The following ZNF883 variants were observed in gnomAD, a reference collection of about 807,000 sequenced individuals.
The protein encoded by ZNF883 is zinc finger protein 883.
At chr9:112,996,641 A>C (rs965440257), downstream of ZNF883, among the ~76,000 whole-genome samples, 1 of 150,198 alleles carries the variant, frequency 6.7e-6, no homozygotes, top group Non-Finnish European at 1.5e-5. Flanking sequence ...AATACAAAAA[A>C]TTAGCCGGGC....
intron 2 of ZNF883, among the ~76,000 whole-genome samples, chr9:113,010,858 C>T (rs942841117): frequency 3.3e-5 from 5 of 151,616 alleles, no homozygotes; most frequent in East Asian, 1.9e-4. Flanking sequence ...TGGTGGTGCA[C>T]GCCTGTAATT....
upstream of ZNF883, among the ~76,000 whole-genome samples, chr9:113,000,139 C>G (rs1587895522): frequency 1.3e-5 from 2 of 152,182 alleles, no homozygotes; most frequent in African/African-American, 4.8e-5. Context: ...TGTATGATAT[C>G]ACAATAGTTG....
chr9:112,996,537 A>C (rs535455152), downstream of ZNF883, among the ~76,000 whole-genome samples: 31 of 151,996 alleles, frequency 2.0e-4, no homozygotes, highest in Non-Finnish European at 4.0e-4. Context: ...CACGCCTGTA[A>C]TCCCAGCACT....
downstream of ZNF883, among the ~76,000 whole-genome samples, chr9:112,994,529 A>T (rs1381858139): frequency 1.3e-5 from 2 of 152,002 alleles, no homozygotes; most frequent in Non-Finnish European, 2.9e-5. Context: ...GATTCAATTA[A>T]ATTTACAAAT....
rs372343232 is a variant in ZNF883, at chr9:112,997,810, C to A, written n.450G>T. The stretch of plus-strand genomic sequence containing the variant: ...CACATTCAGTACATTCATATGGTTT[C>A]TTTCCAGTATGAATTCTATGATGTT... On this transcript the variant is annotated non_coding_transcript_exon_variant, in exon 1 of 1. Transcript: ENST00000639662. 2.0e-5 allele frequency: 33 copies of A among 1,612,900 alleles called. No homozygotes were observed. In the African/African-American group the frequency reaches 2.1e-4, roughly 10 times the overall value.
downstream of ZNF883, among the ~76,000 whole-genome samples, chr9:112,993,624 C>T (rs1828322629): frequency 6.6e-6 from 1 of 152,190 alleles, no homozygotes; most frequent in South Asian, 2.1e-4. Context: ...TCCAGACTGC[C>T]CGGATTCCTC....
chr9:112,990,385 T>C (rs1015963378), intron 1 of ZNF883, among the ~76,000 whole-genome samples: 1 of 152,240 alleles, frequency 6.6e-6, no homozygotes, highest in Non-Finnish European at 1.5e-5. Flanking sequence ...GTGGTTTTTG[T>C]CTTTAGTTCT....
chr9:112,995,658 C>A (rs1828345582), downstream of ZNF883, among the ~76,000 whole-genome samples: 1 of 152,150 alleles, frequency 6.6e-6, no homozygotes, highest in South Asian at 2.1e-4. Context: ...TAAAAAAAGT[C>A]ACCAATGTAT....
chr9:112,996,683 C>T (rs891060210), downstream of ZNF883, among the ~76,000 whole-genome samples: 12 of 146,734 alleles, frequency 8.2e-5, no homozygotes, highest in South Asian at 8.7e-4. Flanking sequence ...CCCAGCTACT[C>T]GGGAGGCTGA....
intron 1 of ZNF883, among the ~76,000 whole-genome samples, chr9:112,989,551 G>A (rs1049511632): frequency 6.6e-6 from 1 of 152,178 alleles, no homozygotes; most frequent in Non-Finnish European, 1.5e-5. Flanking sequence ...GAGTTGGGTA[G>A]TGTGATGCCT....
downstream of ZNF883, among the ~76,000 whole-genome samples, chr9:112,994,408 C>T (rs905739665): frequency 3.9e-5 from 6 of 151,924 alleles, no homozygotes; most frequent in African/African-American, 1.2e-4. Flanking sequence ...GTCACCAGTG[C>T]AGGATTCACT....
chr9:113,008,552 G>T (rs533999321), intron 2 of ZNF883, among the ~76,000 whole-genome samples: 2 of 152,246 alleles, frequency 1.3e-5, no homozygotes, highest in East Asian at 3.9e-4. Flanking sequence ...TTCTCTCACA[G>T]TAAATTAAGT....
chr9:112,993,259 G>T (rs1016105663), downstream of ZNF883, among the ~76,000 whole-genome samples: 3 of 152,146 alleles, frequency 2.0e-5, no homozygotes, highest in Non-Finnish European at 4.4e-5. Context: ...TATGTTTTTT[G>T]TGGGACTTTT....
upstream of ZNF883, among the ~76,000 whole-genome samples, chr9:113,002,977 C>A (rs1453737447): frequency 6.6e-6 from 1 of 152,194 alleles, no homozygotes; most frequent in African/African-American, 2.4e-5. Context: ...CTGTTGGCAC[C>A]ATGATCTTGA....
intron 2 of ZNF883, among the ~76,000 whole-genome samples, chr9:113,009,522 T>C (rs1156488430): frequency 6.6e-6 from 1 of 152,104 alleles, no homozygotes; most frequent in Non-Finnish European, 1.5e-5. Flanking sequence ...TCCTTTTTTT[T>C]TTTTTGAGAC....
chr9:112,994,473 TTA>T (rs1828329981), downstream of ZNF883, among the ~76,000 whole-genome samples: 1 of 151,812 alleles, frequency 6.6e-6, no homozygotes, highest in African/African-American at 2.4e-5. Context: ...TTCTTGTGAA[TTA>T]TATCTTAATA....
At chr9:113,008,005 C>A (rs6477978) in intron 2 of ZNF883, among the ~76,000 whole-genome samples, 105,551 of 152,062 alleles carry the variant, frequency 0.69, 37,500 homozygotes, top group East Asian at 0.89. Flanking sequence ...ACCGGGACAG[C>A]ATTTTGTACA....
At chr9:113,000,498 A>G (rs1316669333), upstream of ZNF883, among the ~76,000 whole-genome samples, 1 of 152,210 alleles carries the variant, frequency 6.6e-6, no homozygotes, top group African/African-American at 2.4e-5. Flanking sequence ...GCAAGAAAGT[A>G]TAATATGAAA....
At chr9:113,011,555 A>G (rs1005435987) in intron 1 of ZNF883, among the ~76,000 whole-genome samples, 1 of 152,248 alleles carries the variant, frequency 6.6e-6, no homozygotes, top group Non-Finnish European at 1.5e-5. Flanking sequence ...AGAACAAACA[A>G]TTGCTCTTCG....
Sources: allele counts gnomAD v4.1 joint callset (sites outside exome capture counted in the v4.1 genomes callset), GRCh38; gene constraint gnomAD v4.1.1; transcripts MANE v1.5; gene names NCBI Gene and HGNC (gene_info 2026-07-23, HGNC 2026-07-21).